Variants in CTC1 observed in about 807,000 individuals in gnomAD.
CTC1 encodes the protein CST telomere replication complex component 1, also known as CST complex subunit CTC1.
CTC1 carries 91 observed loss-of-function variants against 136.3 expected under a neutral mutation model. That is an observed-to-expected ratio of 0.67 (90% confidence interval 0.56 to 0.79). The LOEUF (loss-of-function observed/expected upper bound fraction) is 0.79, where lower values mean the gene tolerates loss of function less well. CTC1 is among the 30% of genes least tolerant of loss of function. The pLI is 0.00. For synonymous variants in CTC1, 606 were observed against 613.8 expected (o/e 0.99, Z 0.19); for missense variants, 1,432 against 1,498.1 (o/e 0.96, Z 0.73).
At chr17:8,247,909 C>A in intron 1 of CTC1, 95 bp downstream of exon 1, 1 of 1,345,914 alleles carries the variant, frequency 7.4e-7, no homozygotes, top group African/African-American at 1.4e-5. Flanking sequence ...ACGCGGCCAG[C>A]GAGCCCAGAG....
rs1301991824 is a variant in CTC1, at chr17:8,243,128, A to G, written c.54T>C (p.Asp18=). 6.2e-7 allele frequency: 1 copy of G among 1,613,814 alleles called. No individual in the cohort carries two copies. Among genetic ancestry groups the G allele is most frequent in the Admixed American group, 1.7e-5 (1 of 59,980 alleles). Residue 18 remains aspartate (D), a synonymous_variant, in exon 2 of 23, where the codon GAT becomes GAC. Coordinates refer to ENST00000651323, the MANE Select transcript of CTC1 (RefSeq NM_025099.6). ...GGGTCTTTTGGATGAAGACCTGAGC[A>G]TCCTCAAGCCAGGCTTGTTCCTGAG... ...VPSSEQAWLE[D]AQVFIQKTLC...
At chr17:8,235,758 G>T in intron 7 of CTC1, 73 bp downstream of exon 7, 1 of 1,476,120 alleles carries the variant, frequency 6.8e-7, no homozygotes, top group Non-Finnish European at 9.1e-7. Flanking sequence ...CCACCCTGCT[G>T]CAGAAAAGGA....
intron 7 of CTC1, among the ~76,000 whole-genome samples, chr17:8,235,583 T>A (rs1597384698): frequency 6.6e-6 from 1 of 152,230 alleles, no homozygotes; most frequent in Middle Eastern, 3.4e-3. Flanking sequence ...GCTTCAGCTA[T>A]CTCCTCCTCC....
chr17:8,226,298 G>A lies in CTC1; in HGVS notation c.*1882C>T, dbSNP rs996133128. 1.3e-5 allele frequency: 2 copies of A among 152,220 alleles called. No individual in the cohort carries two copies. The highest frequency in any genetic ancestry group is 2.9e-5 in the Non-Finnish European group (2 of 68,036). 9.4% of individuals were successfully genotyped at this position (152,220 alleles called of 1,614,324 possible). A position where few individuals can be genotyped will look rare whatever the true frequency, so the allele number is the denominator to read the frequency against. ...CTAGACAGGCGCTTTAACCAACTAA[G>A]CCACGGCGCCGAAGCTGCCATAAAG... On this transcript the variant is annotated 3_prime_UTR_variant, in exon 23 of 23. Coordinates refer to ENST00000651323, the MANE Select transcript of CTC1 (RefSeq NM_025099.6).
Position 8,236,052 on chromosome 17 carries a change from G to A in CTC1, c.1077+6C>T, listed in dbSNP as rs199696637. 4.4e-6 allele frequency: 7 copies of A among 1,609,180 alleles called. No individual in the cohort carries two copies. Among genetic ancestry groups the A allele is most frequent in the Middle Eastern group, 1.7e-4 (1 of 6,044 alleles). On this transcript the variant is annotated splice_donor_region_variant and intron_variant, in intron 6 of 22. Coordinates refer to ENST00000651323, the MANE Select transcript of CTC1 (RefSeq NM_025099.6). The stretch of plus-strand genomic sequence containing the variant: ...CTCAAGCTCTAGGATCTCTCCCTGT[G>A]CTCACCGAATAGGATAGGAGTCTAG...
Position 8,235,732 on chromosome 17 carries a change from CTA to C in CTC1, c.1206+97_1206+98del, listed in dbSNP as rs1374710205. 7.5e-6 allele frequency: 10 copies of C among 1,334,472 alleles called. No homozygotes were observed. In the African/African-American group the frequency reaches 1.5e-4, roughly 20 times the overall value. The allele number at this position is 1,334,472 out of a possible 1,614,324, so 82.7% of individuals were successfully genotyped here. Reference sequence around the variant, plus strand: ...GCCCCCTAACACACACTTTTAATTTCTATATTTCTATATAACCACCCTGCTGC... The same window carrying C: ...GCCCCCTAACACACACTTTTAATTTCTATTTCTATATAACCACCCTGCTGC... On this transcript the variant is annotated intron_variant, in intron 7 of 22. Transcript: ENST00000651323.
At chr17:8,242,061 G>C (rs538023997) in intron 2 of CTC1, among the ~76,000 whole-genome samples, 1 of 151,092 alleles carries the variant, frequency 6.6e-6, no homozygotes. Flanking sequence ...ATGGAGTTTC[G>C]CTCTTGTTGC....
In CTC1 at chr17:8,247,562, C is replaced by G. The variant is rs191726199; in HGVS notation, c.33+442G>C. On this transcript the variant is annotated intron_variant, in intron 1 of 22. Coordinates refer to ENST00000651323, the MANE Select transcript of CTC1 (RefSeq NM_025099.6). ...TGACCTCAAGTAATCCGCCCGCCTC[C>G]GCCTCCCACAGTGCTGGATTACAAG... The G allele has an allele frequency of 3.3e-3, 512 of 156,704 alleles. 3 individuals carry two copies. The highest frequency in any genetic ancestry group is 0.012 in the African/African-American group (481 of 41,500). 9.7% of individuals were successfully genotyped at this position (156,704 alleles called of 1,614,324 possible).
At chr17:8,241,605 CAAAA>C (rs71159569) in intron 2 of CTC1, among the ~76,000 whole-genome samples, 2,671 of 94,574 alleles carry the variant, frequency 0.028, 95 homozygotes, top group African/African-American at 0.1. Flanking sequence ...GACTCCGTCT[CAAAA>C]AAAAAAAAAA....
chr17:8,244,716 G>A (rs1988537689), intron 1 of CTC1, among the ~76,000 whole-genome samples: 1 of 151,996 alleles, frequency 6.6e-6, no homozygotes, highest in South Asian at 2.1e-4. Flanking sequence ...TAGTAGAGAC[G>A]AAGTTTCACC....
At position 8,227,064 on chromosome 17, in the gene CTC1, C is replaced by T. The variant is rs746028426; in HGVS notation, c.*1116G>A. The T allele has an allele frequency of 2.0e-5, 3 of 151,014 alleles. No individual in the cohort carries two copies. The highest frequency in any genetic ancestry group is 2.9e-5 in the Non-Finnish European group (2 of 68,032). 9.4% of individuals were successfully genotyped at this position (151,014 alleles called of 1,614,324 possible). ...GCTCTAACCAACTGAGCTAACCGGC[C>T]ACTAACTTTCCGGGTCTACTTCAAA... On this transcript the variant is annotated 3_prime_UTR_variant, in exon 23 of 23. Transcript: ENST00000651323.
rs778096377 is a variant in CTC1, at chr17:8,235,250, C to T, written c.1242G>A (p.Gly414=). The part of the protein sequence containing the change: ...QDVHLLQSVG[G]GTRRPVLAPC... Reference sequence around the variant, plus strand: ...GGGCGAGCACTGGCCTTCTTGTCCCCCCTCCCACTGACTGGAGCAGGTGAA... The same window carrying T: ...GGGCGAGCACTGGCCTTCTTGTCCCTCCTCCCACTGACTGGAGCAGGTGAA... The change falls in exon 8 of 23, where the codon GGG becomes GGA. Residue 414 remains glycine (G), a synonymous_variant. Coordinates refer to ENST00000651323, the MANE Select transcript of CTC1 (RefSeq NM_025099.6). 2 of 1,613,914 alleles carry T rather than the reference C, an allele frequency of 1.2e-6. No individual in the cohort carries two copies. The highest frequency in any genetic ancestry group is 8.5e-7 in the Non-Finnish European group (1 of 1,179,988).
At chr17:8,246,812 A>G (rs1322273116) in intron 1 of CTC1, among the ~76,000 whole-genome samples, 2 of 151,968 alleles carry the variant, frequency 1.3e-5, no homozygotes, top group Non-Finnish European at 2.9e-5. Context: ...AGGCTGAGGC[A>G]GAAGAATCGC....
intron 1 of CTC1, among the ~76,000 whole-genome samples, chr17:8,243,829 T>G (rs1988473943): frequency 6.6e-6 from 1 of 152,216 alleles, no homozygotes; most frequent in Non-Finnish European, 1.5e-5. Context: ...CCCAGCACTT[T>G]GGGAGGCCAA....
chr17:8,242,553 AATATATATAT>A (rs1242237744), intron 2 of CTC1, among the ~76,000 whole-genome samples: 1 of 60,402 alleles, frequency 1.7e-5, no homozygotes, highest in East Asian at 4.1e-4. Context: ...AAAAAAAAAA[AATATATATAT>A]ATATATATAT....
intron 1 of CTC1, among the ~76,000 whole-genome samples, chr17:8,246,206 CAAAA>C (rs57484918): frequency 0.13 from 11,530 of 87,266 alleles, 782 homozygotes; most frequent in East Asian, 0.34. Context: ...GACCTTGTTT[CAAAA>C]AAAAAAAAAA....
At chr17:8,237,879 T>C in intron 4 of CTC1, 152 bp downstream of exon 4, 1 of 669,526 alleles carries the variant, frequency 1.5e-6, no homozygotes, top group Non-Finnish European at 2.5e-6. Flanking sequence ...ACCCTTCTCT[T>C]TACCTTCTTA....
chr17:8,240,835 T>C (rs7211247), intron 2 of CTC1, among the ~76,000 whole-genome samples: 45,095 of 151,882 alleles, frequency 0.3, 6,919 homozygotes, highest in Admixed American at 0.43. Flanking sequence ...GAGATCGCGA[T>C]ATTGCACTAT....
In CTC1 at chr17:8,234,462, G is replaced by A. The variant is rs1987514657; in HGVS notation, c.1811C>T (p.Pro604Leu). 3.9e-6 allele frequency: 6 copies of A among 1,551,998 alleles called. No individual in the cohort carries two copies. Among genetic ancestry groups the A allele is most frequent in the Non-Finnish European group, 3.5e-6 (4 of 1,147,072 alleles). The change falls in exon 10 of 23, where the codon CCA (proline) becomes CTA (leucine). Residue 604 changes from proline to leucine, a missense_variant. Physicochemically the swap from Pro to Leu is moderately conservative, Grantham distance 98. Transcript: ENST00000651323. ...TGCTAGGGTCCCCCTTACCTGGGCT[G>A]GGCAGAAGGCAGAGGGCAGCAGACA... ...WLCLLPSAFC[P>L]AQVLLGVLVA...
Sources: gnomAD v4.1 joint callset for allele counts (sites outside exome capture counted in the v4.1 genomes callset) on GRCh38, gnomAD v4.1.1 for gene constraint, MANE v1.5 for transcripts, NCBI Gene and HGNC (gene_info 2026-07-23, HGNC 2026-07-21) for gene names.